The following FBLN2 variants were observed in gnomAD, a reference collection of about 807,000 sequenced individuals.
FBLN2 encodes the protein fibulin-2.
FBLN2 carries 81 observed loss-of-function variants against 123.7 expected under a neutral mutation model. The observed-to-expected ratio is 0.65, with a 90% CI of 0.55 to 0.79. FBLN2 has a LOEUF of 0.79. Among genes scored for constraint, FBLN2 ranks in the 30% least tolerant of loss-of-function variants. The pLI is 0.00. For synonymous variants in FBLN2, 699 were observed against 701.4 expected, an observed-to-expected ratio of 1.00 and a Z score of 0.05; for missense variants, 1,603 against 1,681.3, an observed-to-expected ratio of 0.95 and a Z score of 0.81.
At chr3:13,570,175 C>A in intron 1 of FBLN2, 140 bp from the exon 2 acceptor site, 1 of 844,078 alleles carries the variant, frequency 1.2e-6, no homozygotes, top group Non-Finnish European at 1.8e-6. Context: ...GTGTGTGAGG[C>A]AGTGCTTAGT....
intron 5 of FBLN2, 39 bp downstream of exon 5, chr3:13,614,203 A>G: frequency 6.3e-7 from 1 of 1,589,470 alleles, no homozygotes; most frequent in South Asian, 1.1e-5. Context: ...ATATAGGGCG[A>G]AGGCTGGTTG....
chr3:13,593,442 G>A (rs1351994454), intron 2 of FBLN2, among the ~76,000 whole-genome samples: 1 of 152,118 alleles, frequency 6.6e-6, no homozygotes, highest in Non-Finnish European at 1.5e-5. Context: ...TTGGCTGGGC[G>A]CAGTGGCTCA....
chr3:13,579,578 A>T (rs971619683), intron 2 of FBLN2, among the ~76,000 whole-genome samples: 3 of 152,234 alleles, frequency 2.0e-5, no homozygotes, highest in African/African-American at 7.2e-5. Context: ...GCCTTTTTCA[A>T]ATAACAATGG....
intron 2 of FBLN2, among the ~76,000 whole-genome samples, chr3:13,597,407 G>A (rs895376753): frequency 2.6e-5 from 4 of 152,222 alleles, no homozygotes; most frequent in African/African-American, 9.6e-5. Context: ...CCACCGTCCT[G>A]ATGGCAGTCA....
chr3:13,623,936 G>A (rs1334440442), intron 9 of FBLN2, among the ~76,000 whole-genome samples: 1 of 152,234 alleles, frequency 6.6e-6, no homozygotes, highest in Non-Finnish European at 1.5e-5. Context: ...CATCACTGGA[G>A]GTATGTAAAT....
At chr3:13,634,041 C>G (rs946934986) in intron 16 of FBLN2, among the ~76,000 whole-genome samples, 2 of 149,596 alleles carry the variant, frequency 1.3e-5, no homozygotes, top group African/African-American at 4.9e-5. Flanking sequence ...TAGTAAGAGC[C>G]CATCTCTGCA....
chr3:13,627,756 G>A, intron 10 of FBLN2, 76 bp from the exon 11 acceptor site: 4 of 1,490,682 alleles, frequency 2.7e-6, no homozygotes, highest in Non-Finnish European at 3.6e-6. Context: ...TGAGGGCGGG[G>A]ATGTGTGGGC....
At chr3:13,577,443 C>T (rs1056889126) in intron 2 of FBLN2, among the ~76,000 whole-genome samples, 5 of 152,108 alleles carry the variant, frequency 3.3e-5, no homozygotes, top group Non-Finnish European at 5.9e-5. Context: ...GATAGGAGAT[C>T]TGGGAGGTCA....
In FBLN2 at chr3:13,621,786, T is replaced by G; in HGVS notation, c.2167T>G (p.Cys723Gly). The G allele has an allele frequency of 6.2e-7, 1 of 1,613,848 alleles. No individual in the cohort carries two copies. Among genetic ancestry groups the G allele is most frequent in the Admixed American group, 1.7e-5 (1 of 60,006 alleles). ...DGVSCEDQDE[C>G]LMGAHDCSRR... ...GCGGCTGCCACTAGACCAAGACGAG[T>G]GCCTGATGGGTGCTCACGATTGTAG... Residue 723 changes from cysteine to glycine, a missense_variant, in exon 9 of 18, where the codon TGC (cysteine) becomes GGC (glycine). Physicochemically the swap from Cys to Gly is radical, Grantham distance 159. Coordinates refer to ENST00000404922, the MANE Select transcript of FBLN2 (RefSeq NM_001004019.2).
In FBLN2 at chr3:13,553,757, G is replaced by A. The variant is rs556272880; in HGVS notation, c.-42+4549G>A. 4.2e-4 allele frequency among the ~76,000 whole-genome samples: 64 copies of A among 152,332 alleles called. No homozygotes were observed. The East Asian group carries it at 0.01, about 24-fold the overall frequency. On this transcript the variant is annotated intron_variant, in intron 1 of 17. Transcript: ENST00000404922. ...GTATTGTAGGCGGCCAGTGCGTCCC[G>A]CCCAGGTCTGTGTGCTGGTGAGGAA...
intron 2 of FBLN2, among the ~76,000 whole-genome samples, chr3:13,589,949 T>G (rs1347580261): frequency 6.6e-6 from 1 of 152,208 alleles, no homozygotes; most frequent in Non-Finnish European, 1.5e-5. Context: ...AGTACTCGTC[T>G]TAGAGCTTTT....
chr3:13,631,706 C>G (rs1575001969), intron 16 of FBLN2, among the ~76,000 whole-genome samples: 5 of 152,348 alleles, frequency 3.3e-5, no homozygotes, highest in East Asian at 1.9e-4. Context: ...GGACCCTGCC[C>G]TGAGAGTGGA....
At chr3:13,626,299 G>T (rs569374403) in intron 9 of FBLN2, 146 bp from the exon 10 acceptor site, 5 of 755,960 alleles carry the variant, frequency 6.6e-6, no homozygotes, top group Non-Finnish European at 8.1e-6. Context: ...TTTGGGTGCC[G>T]AGACATCAGC....
At position 13,631,454 on chromosome 3, in the gene FBLN2, A is replaced by G; in HGVS notation, c.3211A>G (p.Lys1071Glu). 1 of 1,586,066 alleles carries G rather than the reference A, an allele frequency of 6.3e-7. No homozygotes were observed. The highest frequency in any genetic ancestry group is 8.6e-7 in the Non-Finnish European group (1 of 1,165,944). The change falls in exon 16 of 18, where the codon AAG becomes GAG. Residue 1071 changes from lysine (K) to glutamate (E), a missense_variant. Physicochemically the swap from Lys to Glu is moderately conservative, Grantham distance 56 (BLOSUM62 1). Coordinates refer to ENST00000404922, the MANE Select transcript of FBLN2 (RefSeq NM_001004019.2). Reference sequence around the variant, plus strand: ...CATGACGGCCAACGGGAGGTCCTGCAAGGGTGAGCAAGTCCCCCCACACGC... The same window carrying G: ...CATGACGGCCAACGGGAGGTCCTGCGAGGGTGAGCAAGTCCCCCCACACGC... ...YTMTANGRSCKDVDECALGTH... is the reference protein window; with the variant it reads ...YTMTANGRSCEDVDECALGTH...
At position 13,631,561 on chromosome 3, in the gene FBLN2, C is replaced by T. The variant is rs146098142; in HGVS notation, c.3214+104C>T. 254 of 1,354,540 alleles carry T rather than the reference C, an allele frequency of 1.9e-4. No individual in the cohort carries two copies. The African/African-American group carries it at 3.3e-3, about 18-fold the overall frequency. The allele number at this position is 1,354,540 out of a possible 1,614,324, so 83.9% of individuals were successfully genotyped here. A position where few individuals can be genotyped will look rare whatever the true frequency, so the allele number is the denominator to read the frequency against. ...AGCTTGCGTGCACTTGGAGCCCCCA[C>T]ACCCAGTGAATAAATGCAGGATGGC... On this transcript the variant is annotated intron_variant, in intron 16 of 17. Transcript: ENST00000404922.
At chr3:13,575,728 C>T (rs1704117941) in intron 2 of FBLN2, among the ~76,000 whole-genome samples, 1 of 152,092 alleles carries the variant, frequency 6.6e-6, no homozygotes, top group African/African-American at 2.4e-5. Flanking sequence ...TTTCAGAAAC[C>T]CTGGAAGCTG....
At position 13,637,800 on chromosome 3, in the gene FBLN2, C is replaced by T. The variant is rs769701686; in HGVS notation, c.3577C>T (p.Arg1193Trp). ...NAYTGVVYLQ[R>W]AVLEPRDFAL... Reference sequence around the variant, plus strand: ...CTACACGGGTGTGGTCTACCTGCAGCGGGCCGTGCTGGAGCCCCGGGACTT... The same window carrying T: ...CTACACGGGTGTGGTCTACCTGCAGTGGGCCGTGCTGGAGCCCCGGGACTT... The change falls in exon 18 of 18, where the codon CGG (arginine) becomes TGG (tryptophan). Residue 1193 changes from arginine to tryptophan, a missense_variant. By Grantham distance (101) the Arg-to-Trp change is moderately radical (BLOSUM62 -3). Coordinates refer to ENST00000404922, the MANE Select transcript of FBLN2 (RefSeq NM_001004019.2). The T allele has an allele frequency of 2.0e-5, 33 of 1,613,736 alleles. No individual in the cohort carries two copies. Among genetic ancestry groups the T allele is most frequent in the Middle Eastern group, 1.6e-4 (1 of 6,078 alleles).
intron 5 of FBLN2, among the ~76,000 whole-genome samples, chr3:13,615,461 A>T (rs1705566440): frequency 6.6e-6 from 1 of 152,216 alleles, no homozygotes. Flanking sequence ...TGGTATCAAG[A>T]TTAAACTCTT....
chr3:13,638,043 C>G lies in FBLN2; in HGVS notation c.*124C>G, dbSNP rs1706541058. The G allele has an allele frequency of 1.1e-6, 1 of 936,244 alleles. No individual in the cohort carries two copies. 58.0% of individuals were successfully genotyped at this position (936,244 alleles called of 1,614,324 possible). ...AATTAACTTAATTTTGCTGACTTGA[C>G]TCCTGTGGCTTCTGGACCCCTCCTC... On this transcript the variant is annotated 3_prime_UTR_variant, in exon 18 of 18. Coordinates refer to ENST00000404922, the MANE Select transcript of FBLN2 (RefSeq NM_001004019.2).
Sources: allele counts gnomAD v4.1 joint callset (sites outside exome capture counted in the v4.1 genomes callset), GRCh38; gene constraint gnomAD v4.1.1; transcripts MANE v1.5; gene names NCBI Gene and HGNC (gene_info 2026-07-23, HGNC 2026-07-21).